Variants in CAST observed in about 807,000 individuals in gnomAD.
CAST encodes calpastatin, also known as MIR583 host.
In CAST, 76 loss-of-function variants were observed where a neutral mutation model predicts 119.6. That is an observed-to-expected ratio of 0.64 (90% CI 0.53 to 0.77). The LOEUF (loss-of-function observed/expected upper bound fraction) is 0.77. CAST is among the 30% of genes least tolerant of loss of function. The pLI, the probability that CAST is intolerant of heterozygous loss-of-function variation, is 0.00. For missense variants in CAST, 953 were observed against 946.5 expected (o/e 1.01, Z -0.09); for synonymous variants, 319 against 331.6 (o/e 0.96, Z 0.41).
At chr5:96,121,863 C>G in the CAST span, among the ~76,000 whole-genome samples, 3 of 152,162 alleles carry the variant, frequency 2.0e-5, no homozygotes, top group Non-Finnish European at 4.4e-5. Context: ...CCACCCACCC[C>G]CTGCCCACCC....
chr5:96,713,660 G>C (rs1427105615), intron 3 of CAST, among the ~76,000 whole-genome samples: 2 of 152,084 alleles, frequency 1.3e-5, no homozygotes, highest in African/African-American at 2.4e-5. Flanking sequence ...CAAGATTAAT[G>C]TGAAATGTGT....
At chr5:96,047,636 C>G in the CAST span, among the ~76,000 whole-genome samples, 1 of 152,184 alleles carries the variant, frequency 6.6e-6, no homozygotes, top group African/African-American at 2.4e-5. Flanking sequence ...ATTCATTCAT[C>G]TATTAACTGT....
the CAST span, among the ~76,000 whole-genome samples, chr5:96,275,640 T>C: frequency 1.3e-5 from 2 of 152,198 alleles, no homozygotes; most frequent in Admixed American, 6.5e-5. Flanking sequence ...CTGCTCAAGA[T>C]ATAGAGTTTA....
At chr5:96,308,097 C>A in the CAST span, among the ~76,000 whole-genome samples, 1 of 152,130 alleles carries the variant, frequency 6.6e-6, no homozygotes. Flanking sequence ...ACCAATCAAA[C>A]GTAGATTTGA....
the CAST span, among the ~76,000 whole-genome samples, chr5:96,065,601 T>A: frequency 6.6e-6 from 1 of 152,152 alleles, no homozygotes; most frequent in Non-Finnish European, 1.5e-5. Flanking sequence ...AGGATTTTTT[T>A]AAAGTTGTAA....
At chr5:95,980,176 C>T in the CAST span, among the ~76,000 whole-genome samples, 30 of 152,128 alleles carry the variant, frequency 2.0e-4, no homozygotes, top group Middle Eastern at 3.4e-3. Context: ...AGAAGTGTTA[C>T]GCTGATTACT....
At chr5:96,542,092 C>T (rs1330020573) in intron 1 of CAST, among the ~76,000 whole-genome samples, 3 of 152,172 alleles carry the variant, frequency 2.0e-5, no homozygotes, top group South Asian at 4.1e-4. Context: ...GGGTGGATCA[C>T]GAGGTCAGGA....
chr5:96,048,460 C>T, the CAST span, among the ~76,000 whole-genome samples: 3 of 152,012 alleles, frequency 2.0e-5, no homozygotes, highest in Non-Finnish European at 4.4e-5. Context: ...GTTAAGGATT[C>T]GTTTTCATTT....
At chr5:96,280,590 C>A in the CAST span, among the ~76,000 whole-genome samples, 248 of 152,308 alleles carry the variant, frequency 1.6e-3, 1 homozygote, top group African/African-American at 5.7e-3. Context: ...AAGACCCATA[C>A]CCACACTAAG....
At chr5:96,749,490 G>A (rs1764494331) in intron 19 of CAST, among the ~76,000 whole-genome samples, 1 of 152,128 alleles carries the variant, frequency 6.6e-6, no homozygotes, top group Non-Finnish European at 1.5e-5. Context: ...TTCCATAAAA[G>A]TCTAGATTTA....
At chr5:96,627,914 A>G (rs1032349273) in intron 1 of CAST, among the ~76,000 whole-genome samples, 1 of 152,212 alleles carries the variant, frequency 6.6e-6, no homozygotes, top group African/African-American at 2.4e-5. Context: ...TCATTTCGCT[A>G]GTCATGTGCC....
At chr5:96,214,787 G>T in the CAST span, 1 of 152,176 alleles carries the variant, frequency 6.6e-6, no homozygotes, top group African/African-American at 2.4e-5. Context: ...TTGTTTTATA[G>T]TATTTGGTGT....
At chr5:96,517,618 C>A in the CAST span, among the ~76,000 whole-genome samples, 1 of 152,144 alleles carries the variant, frequency 6.6e-6, no homozygotes, top group Non-Finnish European at 1.5e-5. Flanking sequence ...CTGGAGGATG[C>A]TAAAGCAAGT....
chr5:96,741,607 G>T (rs181087226), intron 15 of CAST, 27 bp downstream of exon 15: 3 of 1,513,386 alleles, frequency 2.0e-6, no homozygotes, highest in Admixed American at 3.4e-5. Context: ...CCTGACAGCA[G>T]TTGCTTTCCA....
At position 96,773,839 on chromosome 5, in the gene CAST, A is replaced by G. The variant is rs1262864267; in HGVS notation, c.*1223A>G. 6.6e-6 allele frequency: 1 copy of G among 152,328 alleles called. No homozygotes were observed. Among genetic ancestry groups the G allele is most frequent in the African/African-American group, 2.4e-5 (1 of 41,436 alleles). 9.4% of individuals were successfully genotyped at this position (152,328 alleles called of 1,614,324 possible). On this transcript the variant is annotated 3_prime_UTR_variant, in exon 32 of 32. Transcript: ENST00000675179. Reference sequence around the variant, plus strand: ...ACAGATTGGGAATTTATTGTTTCCAAAGGGCATGGCCTTCCTTAGCATCAG... The same window carrying G: ...ACAGATTGGGAATTTATTGTTTCCAGAGGGCATGGCCTTCCTTAGCATCAG...
chr5:96,356,093 A>C, the CAST span, among the ~76,000 whole-genome samples: 3 of 152,170 alleles, frequency 2.0e-5, no homozygotes, highest in African/African-American at 7.2e-5. Context: ...ACCAGTGATT[A>C]TTAGCTTTTT....
the CAST span, among the ~76,000 whole-genome samples, chr5:96,280,312 T>C: frequency 2.0e-5 from 3 of 152,196 alleles, no homozygotes; most frequent in Non-Finnish European, 4.4e-5. Context: ...TTGGTTCCAA[T>C]ATTGCATTAT....
chr5:96,494,041 C>G, the CAST span, among the ~76,000 whole-genome samples: 1 of 151,940 alleles, frequency 6.6e-6, no homozygotes, highest in South Asian at 2.1e-4. Context: ...CTCAAAATAA[C>G]TAACTAACTA....
At chr5:96,557,859 C>T (rs1022385288) in intron 1 of CAST, among the ~76,000 whole-genome samples, 3 of 152,152 alleles carry the variant, frequency 2.0e-5, no homozygotes, top group East Asian at 3.9e-4. Flanking sequence ...GCAGACCTAA[C>T]AGAAATCTAC....
Sources: gnomAD v4.1 joint callset for allele counts (sites outside exome capture counted in the v4.1 genomes callset) on GRCh38, gnomAD v4.1.1 for gene constraint, MANE v1.5 for transcripts, NCBI Gene and HGNC (gene_info 2026-07-23, HGNC 2026-07-21) for gene names.